The following ATP1B3 variants were observed in gnomAD, a reference collection of about 807,000 sequenced individuals.
The protein encoded by ATP1B3 is sodium/potassium-transporting ATPase subunit beta-3.
A neutral mutation model predicts 30.2 loss-of-function variants in ATP1B3; 10 were observed. The ratio of observed to expected loss-of-function variants is 0.33; its 90% CI spans 0.20 to 0.56. ATP1B3 has a LOEUF of 0.56. ATP1B3 is among the 20% of genes least tolerant of loss of function. The pLI, the probability that ATP1B3 is intolerant of heterozygous loss-of-function variation, is 0.90. For synonymous variants in ATP1B3, 113 were observed against 117.0 expected (o/e 0.97, Z 0.22); for missense variants, 238 against 336.7 (o/e 0.71, Z 2.29).
intron 1 of ATP1B3, among the ~76,000 whole-genome samples, chr3:141,894,338 A>G (rs1934018203): frequency 6.6e-6 from 1 of 151,202 alleles, no homozygotes; most frequent in Non-Finnish European, 1.5e-5. Context: ...TTTTTTTTTT[A>G]ATTGAGATGG....
At chr3:141,906,181 T>C (rs556752803) in intron 2 of ATP1B3, among the ~76,000 whole-genome samples, 10 of 151,962 alleles carry the variant, frequency 6.6e-5, no homozygotes, top group African/African-American at 1.7e-4. Flanking sequence ...CTAGATCTAA[T>C]GCTTTTTTTT....
chr3:141,903,476 A>T, intron 1 of ATP1B3, 144 bp from the exon 2 acceptor site: 1 of 1,234,454 alleles, frequency 8.1e-7, no homozygotes, highest in Non-Finnish European at 1.1e-6. Context: ...ATGTGTCCTG[A>T]ATATGAGGAT....
chr3:141,916,921 A>T (rs899981939), intron 5 of ATP1B3, among the ~76,000 whole-genome samples: 2 of 151,364 alleles, frequency 1.3e-5, no homozygotes, highest in African/African-American at 4.9e-5. Flanking sequence ...GCTGGAGTGC[A>T]GTGGCACGAT....
rs772165067 is a variant in ATP1B3, at chr3:141,908,302, T to C, written c.346+1028T>C. 2.6e-5 allele frequency among the ~76,000 whole-genome samples: 4 copies of C among 152,150 alleles called. No individual in the cohort carries two copies. In the South Asian group the frequency reaches 8.3e-4, roughly 32 times the overall value. ...CTGTTTTGCTTGGCCGAGCCATTTA[T>C]GTGAATGGTGTTAACAGTCACATGA... On this transcript the variant is annotated intron_variant, in intron 3 of 6. Transcript: ENST00000286371.
At position 141,926,180 on chromosome 3, in the gene ATP1B3, T is replaced by G. The variant is rs1414995122; in HGVS notation, c.*479T>G. 2.0e-5 allele frequency: 3 copies of G among 152,928 alleles called. No individual in the cohort carries two copies. The highest frequency in any genetic ancestry group is 4.4e-5 in the Non-Finnish European group (3 of 68,226). The allele number at this position is 152,928 out of a possible 1,614,324, so 9.5% of individuals were successfully genotyped here. A position where few individuals can be genotyped will look rare whatever the true frequency, so the allele number is the denominator to read the frequency against. On this transcript the variant is annotated 3_prime_UTR_variant, in exon 7 of 7. Coordinates refer to ENST00000286371, the MANE Select transcript of ATP1B3 (RefSeq NM_001679.4). ...TATGTGAGGAAGGAAAAAAAGAAAA[T>G]AAAAGTGTGTTTGAAAAATATTATC...
At chr3:141,917,089 G>A (rs9847709) in intron 5 of ATP1B3, among the ~76,000 whole-genome samples, 42,043 of 147,146 alleles carry the variant, frequency 0.29, 6,223 homozygotes, top group African/African-American at 0.34. Context: ...TCCTGACCTC[G>A]TGATCTGCCC....
rs1159810322 is a variant in ATP1B3 at position 141,876,927 on chromosome 3, T to C, written c.109+17T>C. 1.3e-6 allele frequency: 2 copies of C among 1,546,740 alleles called. No homozygotes were observed. Among genetic ancestry groups the C allele is most frequent in the Non-Finnish European group, 1.7e-6 (2 of 1,146,962 alleles). ...AGAGCTGGGGTGAGCGGGCAGCAGC[T>C]GGGCGTCCGGGGCCGGCCTCGGTCC... On this transcript the variant is annotated intron_variant, in intron 1 of 6. Coordinates refer to ENST00000286371, the MANE Select transcript of ATP1B3 (RefSeq NM_001679.4).
intron 5 of ATP1B3, among the ~76,000 whole-genome samples, chr3:141,917,407 C>T (rs56348155): frequency 0.4 from 61,131 of 151,728 alleles, 12,659 homozygotes; most frequent in East Asian, 0.67. Context: ...TACAAAAAGC[C>T]AGAGTCAGCT....
chr3:141,899,809 T>C (rs1237045565), intron 1 of ATP1B3, among the ~76,000 whole-genome samples: 1 of 152,034 alleles, frequency 6.6e-6, no homozygotes, highest in Admixed American at 6.6e-5. Flanking sequence ...GCAGAGGTTG[T>C]GGTGAGCTGA....
Position 141,905,626 on chromosome 3 carries a change from C to T in ATP1B3, c.239-1541C>T, listed in dbSNP as rs1934251232. ...TGTCTTGAATAACTCTTTTAAAACT[C>T]TTAGTGTATTGGAGCAAGTGTCAGA... On this transcript the variant is annotated intron_variant, in intron 2 of 6. Coordinates refer to ENST00000286371, the MANE Select transcript of ATP1B3 (RefSeq NM_001679.4). Among the ~76,000 whole-genome samples, 4 of 152,136 alleles carry T rather than the reference C, an allele frequency of 2.6e-5. No homozygotes were observed. The South Asian group carries it at 6.2e-4, about 24-fold the overall frequency.
chr3:141,895,371 G>A (rs1423297321), intron 1 of ATP1B3, among the ~76,000 whole-genome samples: 1 of 151,556 alleles, frequency 6.6e-6, no homozygotes, highest in African/African-American at 2.4e-5. Flanking sequence ...TGTATTTTTA[G>A]TAGAGACTGG....
rs72986332 is a variant in ATP1B3, at chr3:141,886,655, G to A, written c.109+9745G>A. On this transcript the variant is annotated intron_variant, in intron 1 of 6. Transcript: ENST00000286371. ...ACCTAAATTCTAGTTCCACATCTCT[G>A]TTAAAGCTTAGATAACTCAAGATCT... Among the ~76,000 whole-genome samples, 714 of 152,232 alleles carry A rather than the reference G, an allele frequency of 4.7e-3. 9 individuals carry two copies. Among genetic ancestry groups the A allele is most frequent in the African/African-American group, 0.017 (688 of 41,542 alleles).
intron 1 of ATP1B3, among the ~76,000 whole-genome samples, chr3:141,877,290 A>G (rs1577952850): frequency 6.6e-6 from 1 of 150,680 alleles, no homozygotes; most frequent in East Asian, 2.0e-4. Flanking sequence ...CTTTGTACGG[A>G]GCGCTCCGGC....
chr3:141,917,896 T>G (rs2107778492), intron 5 of ATP1B3, among the ~76,000 whole-genome samples: 1 of 151,566 alleles, frequency 6.6e-6, no homozygotes, highest in South Asian at 2.1e-4. Flanking sequence ...GCCTCCCAAG[T>G]AACTGGGACT....
intron 1 of ATP1B3, among the ~76,000 whole-genome samples, chr3:141,886,112 G>A (rs868627095): frequency 5.3e-5 from 8 of 152,272 alleles, no homozygotes; most frequent in South Asian, 2.1e-4. Context: ...GGTCCCTACT[G>A]CTTCCAGAAA....
chr3:141,914,224 C>A (rs1934415391), intron 4 of ATP1B3, among the ~76,000 whole-genome samples: 1 of 152,186 alleles, frequency 6.6e-6, no homozygotes, highest in South Asian at 2.1e-4. Flanking sequence ...TAAAATTCCA[C>A]AGACTCCATA....
intron 1 of ATP1B3, among the ~76,000 whole-genome samples, chr3:141,879,267 A>G (rs1933668341): frequency 6.6e-6 from 1 of 152,062 alleles, no homozygotes; most frequent in Non-Finnish European, 1.5e-5. Context: ...CACCCTTTTC[A>G]TGTACATTTT....
intron 2 of ATP1B3, among the ~76,000 whole-genome samples, chr3:141,904,370 A>T (rs78192987): frequency 0.021 from 3,243 of 151,970 alleles, 111 homozygotes; most frequent in African/African-American, 0.07. Flanking sequence ...ACGTTTGAAG[A>T]ATATAGTTAT....
At chr3:141,881,742 C>G (rs771698455) in intron 1 of ATP1B3, among the ~76,000 whole-genome samples, 5 of 152,188 alleles carry the variant, frequency 3.3e-5, no homozygotes, top group Non-Finnish European at 7.3e-5. Context: ...GGAACACAGG[C>G]ATAAATGGAA....
Sources: gnomAD v4.1 joint callset for allele counts (sites outside exome capture counted in the v4.1 genomes callset) on GRCh38, gnomAD v4.1.1 for gene constraint, MANE v1.5 for transcripts, NCBI Gene and HGNC (gene_info 2026-07-23, HGNC 2026-07-21) for gene names.